The following MMP13 variants were observed in gnomAD, a reference collection of about 807,000 sequenced individuals.
The protein encoded by MMP13 is collagenase 3.
In MMP13, 45 loss-of-function variants were observed where a neutral mutation model predicts 52.1. The ratio of observed to expected loss-of-function variants is 0.86; its 90% CI spans 0.68 to 1.11. MMP13 has a LOEUF of 1.11. MMP13 is among the 50% of genes least tolerant of loss of function. MMP13 has a pLI of 0.00. For synonymous variants in MMP13, 200 were observed against 204.4 expected (o/e 0.98, Z 0.18); for missense variants, 576 against 583.8 (o/e 0.99, Z 0.14).
rs1860628279 is a variant in MMP13, at chr11:102,952,450, A to G, written c.638-277T>C. On this transcript the variant is annotated intron_variant, in intron 4 of 9. Transcript: ENST00000260302. The surrounding 1 kb of genome is among the most constrained non-coding windows in gnomAD (Gnocchi z 4.3). ...TACTCTCATGTAATTAGTAATTAAT[A>G]AGGATTTACTGTGAATACATTAGAA... is the stretch of plus-strand genomic sequence containing the variant. Among the ~76,000 whole-genome samples, 1 of 152,178 alleles carries G rather than the reference A, an allele frequency of 6.6e-6. No individual in the cohort carries two copies. Among genetic ancestry groups the G allele is most frequent in the South Asian group, 2.1e-4 (1 of 4,832 alleles).
intron 4 of MMP13, among the ~76,000 whole-genome samples, chr11:102,953,434 ACT>A (rs1461785628): frequency 6.6e-6 from 1 of 152,102 alleles, no homozygotes; most frequent in African/African-American, 2.4e-5. Flanking sequence ...GAAAAATAAA[ACT>A]CAGCTGTCTA....
At chr11:102,947,803 G>A in intron 8 of MMP13, 88 bp downstream of exon 8, 1 of 1,381,520 alleles carries the variant, frequency 7.2e-7, no homozygotes, top group Non-Finnish European at 1.0e-6. Flanking sequence ...ATTTACAATA[G>A]TGTGTAGGAA....
chr11:102,948,834 C>T (rs1402342702), intron 7 of MMP13, among the ~76,000 whole-genome samples, 191 bp downstream of exon 7: 1 of 152,050 alleles, frequency 6.6e-6, no homozygotes, highest in Non-Finnish European at 1.5e-5. Context: ...ATAATGTAGA[C>T]CTTTTATATG....
chr11:102,947,563 A>C (rs1555016786), intron 8 of MMP13, among the ~76,000 whole-genome samples: 3 of 151,016 alleles, frequency 2.0e-5, no homozygotes, highest in Non-Finnish European at 4.4e-5. Flanking sequence ...ACAGAGCAAG[A>C]CTCAGTCTCA....
intron 9 of MMP13, chr11:102,945,210 C>T (rs1555016519): frequency 1.4e-6 from 1 of 724,658 alleles, no homozygotes; most frequent in African/African-American, 1.9e-5. Context: ...CGACAATGAA[C>T]TCCAGCCTGG....
At position 102,952,201 on chromosome 11, in the gene MMP13, A is replaced by G. The variant is rs1860625561; in HGVS notation, c.638-28T>C. On this transcript the variant is annotated intron_variant, in intron 4 of 9. Coordinates refer to ENST00000260302, the MANE Select transcript of MMP13 (RefSeq NM_002427.4). This position sits in a 1 kb window ranked among gnomAD's most constrained non-coding sequence, Gnocchi z 4.3. ...GTAAGAAAACAAAGAAACAATGAGA[A>G]AAAAAGGAATTCCAGTGACCAGGTA... 1 of 1,611,528 alleles carries G rather than the reference A, an allele frequency of 6.2e-7. No homozygotes were observed. Among genetic ancestry groups the G allele is most frequent in the Non-Finnish European group, 8.5e-7 (1 of 1,178,080 alleles).
chr11:102,948,085 G>C, intron 7 of MMP13, 35 bp from the exon 8 acceptor site: 1 of 1,595,402 alleles, frequency 6.3e-7, no homozygotes, highest in Non-Finnish European at 8.6e-7. Context: ...TATTATCCAA[G>C]GGAATCTATT....
Position 102,944,037 on chromosome 11 carries a change from C to A in MMP13, c.*229G>T. On this transcript the variant is annotated 3_prime_UTR_variant, in exon 10 of 10. Transcript: ENST00000260302. ...ATCAACCATTGCTTTTGTACAGCAA[C>A]AAGAATCAGATGCTCTTTAGAGATC... 1 of 483,714 alleles carries A rather than the reference C, an allele frequency of 2.1e-6. No homozygotes were observed. Among genetic ancestry groups the A allele is most frequent in the Non-Finnish European group, 3.9e-6 (1 of 254,264 alleles). 30.0% of individuals were successfully genotyped at this position (483,714 alleles called of 1,614,324 possible). A position where few individuals can be genotyped will look rare whatever the true frequency, so the allele number is the denominator to read the frequency against.
chr11:102,947,749 C>A, intron 8 of MMP13, 142 bp downstream of exon 8: 50 of 743,126 alleles, frequency 6.7e-5, no homozygotes, highest in Middle Eastern at 3.1e-4. Context: ...TGAGGGTCTG[C>A]CTGAAAGAGC....
At chr11:102,953,822 T>G (rs1860650720) in intron 4 of MMP13, among the ~76,000 whole-genome samples, 1 of 152,206 alleles carries the variant, frequency 6.6e-6, no homozygotes, top group Non-Finnish European at 1.5e-5. Flanking sequence ...GTTAGATATT[T>G]CTAATAAACT....
In MMP13 at chr11:102,955,636, T is replaced by G; in HGVS notation, c.70A>C (p.Ser24Arg). ...GACAAATCATCTTCATCACCACCAC[T>G]GGGAAGGGGCAGGGCCCGACAATGA... The part of the protein sequence containing the change: ...WTHCRALPLP[S>R]GGDEDDLSEE... The change falls in exon 1 of 10, where the codon AGT (serine) becomes CGT (arginine). Residue 24 changes from serine (S) to arginine (R), a missense_variant. Physicochemically the swap from Ser to Arg is moderately radical, Grantham distance 110. Coordinates refer to ENST00000260302, the MANE Select transcript of MMP13 (RefSeq NM_002427.4). The surrounding 1 kb of genome is among the most constrained non-coding windows in gnomAD (Gnocchi z 4.9). The G allele has an allele frequency of 6.2e-7, 1 of 1,613,856 alleles. No individual in the cohort carries two copies. Among genetic ancestry groups the G allele is most frequent in the East Asian group, 2.2e-5 (1 of 44,868 alleles).
rs1000106881 is a variant in MMP13 at position 102,944,658 on chromosome 11, G to A, written c.1316-292C>T. On this transcript the variant is annotated intron_variant, in intron 9 of 9. Coordinates refer to ENST00000260302, the MANE Select transcript of MMP13 (RefSeq NM_002427.4). ...GTCTCACTCTGTCATCCAGGCTAGA[G>A]TGCAGTGGCAGTGATCTTGGCTCAC... is the stretch of plus-strand genomic sequence containing the variant. Among the ~76,000 whole-genome samples the A allele has an allele frequency of 4.0e-5, 6 of 151,700 alleles. 1 individual carries two copies. The highest frequency in any genetic ancestry group is 3.3e-4 in the Admixed American group (5 of 15,232).
intron 7 of MMP13, among the ~76,000 whole-genome samples, chr11:102,948,275 A>C (rs111874568): frequency 6.4e-4 from 98 of 152,336 alleles, no homozygotes; most frequent in African/African-American, 2.1e-3. Flanking sequence ...AGCTAATCAA[A>C]TATCACAGTT....
Position 102,954,289 on chromosome 11 carries a change from C to A in MMP13, c.512-8G>T, listed in dbSNP as rs781151341. The stretch of plus-strand genomic sequence containing the variant: ...GGTAGAAGTCGCCATGCTCTACACA[C>A]AAAAGCAAGGGTTAGGAGTCTTATC... On this transcript the variant is annotated splice_region_variant and splice_polypyrimidine_tract_variant and intron_variant, in intron 3 of 9. Coordinates refer to ENST00000260302, the MANE Select transcript of MMP13 (RefSeq NM_002427.4). The A allele has an allele frequency of 7.4e-6, 12 of 1,613,532 alleles. No individual in the cohort carries two copies. Among genetic ancestry groups the A allele is most frequent in the Non-Finnish European group, 9.3e-6 (11 of 1,179,726 alleles).
chr11:102,953,651 T>G (rs958795288), intron 4 of MMP13, among the ~76,000 whole-genome samples: 1 of 152,132 alleles, frequency 6.6e-6, no homozygotes, highest in Non-Finnish European at 1.5e-5. Flanking sequence ...TCTGTCTAGG[T>G]TTTTAAGAAT....
rs1565252412 is a variant in MMP13 at position 102,944,373 on chromosome 11, G to T, written c.1316-7C>A. The T allele has an allele frequency of 1.9e-6, 3 of 1,572,288 alleles. No individual in the cohort carries two copies. In the Admixed American group the frequency reaches 5.0e-5, roughly 26 times the overall value. The stretch of plus-strand genomic sequence containing the variant: ...TTGAAAAAATAGATATAACCTATAA[G>T]AAAAAGCATAAAGACAATTTCAGAG... On this transcript the variant is annotated splice_polypyrimidine_tract_variant and splice_region_variant and intron_variant, in intron 9 of 9. Coordinates refer to ENST00000260302, the MANE Select transcript of MMP13 (RefSeq NM_002427.4).
chr11:102,955,165 T>A lies in MMP13; in HGVS notation c.362+87A>T, dbSNP rs1458098024. 18 of 1,479,272 alleles carry A rather than the reference T, an allele frequency of 1.2e-5. No individual in the cohort carries two copies. The highest frequency in any genetic ancestry group is 1.9e-6 in the Non-Finnish European group (2 of 1,074,556). The allele number at this position is 1,479,272 out of a possible 1,614,324, so 91.6% of individuals were successfully genotyped here. On this transcript the variant is annotated intron_variant, in intron 2 of 9. Coordinates refer to ENST00000260302, the MANE Select transcript of MMP13 (RefSeq NM_002427.4). This position sits in a 1 kb window ranked among gnomAD's most constrained non-coding sequence, Gnocchi z 4.9. ...AGCTATTCTGGAATTTAACTGCCAATTAAATAATAAGGCCTACTTAATATT... is the reference window on the plus strand; with the variant it reads ...AGCTATTCTGGAATTTAACTGCCAAATAAATAATAAGGCCTACTTAATATT...
Position 102,944,366 on chromosome 11 carries a change from C to T in MMP13, c.1316G>A (p.Gly439Asp), listed in dbSNP as rs1555016409. The part of the protein sequence containing the change: ...DKVDAVYEKN[G>D]YIYFFNGPIQ... ...GGGTCCGTTGAAAAAATAGATATAA[C>T]CTATAAGAAAAAGCATAAAGACAAT... is the stretch of plus-strand genomic sequence containing the variant. Residue 439 changes from glycine (G) to aspartate (D), a missense_variant and splice_region_variant, in exon 10 of 10, where the codon GGT becomes GAT. Gly to Asp is a moderately conservative substitution (Grantham distance 94). Transcript: ENST00000260302. 1 of 1,593,688 alleles carries T rather than the reference C, an allele frequency of 6.3e-7. No individual in the cohort carries two copies. The highest frequency in any genetic ancestry group is 8.6e-7 in the Non-Finnish European group (1 of 1,162,110).
Position 102,954,262 on chromosome 11 carries a change from TG to T in MMP13, c.530del (p.Pro177HisfsTer52). The T allele has an allele frequency of 1.2e-6, 2 of 1,613,506 alleles. No homozygotes were observed. Among genetic ancestry groups the T allele is most frequent in the Non-Finnish European group, 1.7e-6 (2 of 1,179,730 alleles). On this transcript the variant is annotated frameshift_variant, in exon 4 of 10. Transcript: ENST00000260302. LOFTEE classifies it high-confidence loss of function. The stretch of plus-strand genomic sequence containing the variant: ...CCAGCAGGCCAGAGGGCCCATCAAA[TG>T]GGTAGAAGTCGCCATGCTCTACACA... ...FGIKEHGDFY[P>X]FDGPSGLLAH...
Sources: allele counts gnomAD v4.1 joint callset (sites outside exome capture counted in the v4.1 genomes callset), GRCh38; gene constraint gnomAD v4.1.1; non-coding constraint Gnocchi (gnomAD v3.1); transcripts MANE v1.5; gene names NCBI Gene and HGNC (gene_info 2026-07-23, HGNC 2026-07-21).